Variants in CREB1 observed in about 807,000 individuals in gnomAD.
CREB1 encodes the protein cAMP responsive element binding protein 1.
A neutral mutation model predicts 42.0 loss-of-function variants in CREB1; 2 were observed. The ratio of observed to expected loss-of-function variants is 0.05; its 90% CI spans 0.02 to 0.15. CREB1 has a LOEUF of 0.15. Among genes scored for constraint, CREB1 ranks in the 10% least tolerant of loss-of-function variants. CREB1 has a pLI of 1.00. For synonymous variants in CREB1, 123 were observed against 139.9 expected (o/e 0.88, Z 0.85); for missense variants, 199 against 388.9 (o/e 0.51, Z 4.11).
chr2:207,575,535 C>G (rs760676962), intron 6 of CREB1, 81 bp downstream of exon 6: 3 of 1,215,194 alleles, frequency 2.5e-6, no homozygotes, highest in Non-Finnish European at 3.5e-6. Context: ...AAGTAAGTAT[C>G]ATATTGCAAA....
intron 1 of CREB1, among the ~76,000 whole-genome samples, chr2:207,541,707 C>A (rs2081106158): frequency 6.6e-6 from 1 of 152,194 alleles, no homozygotes; most frequent in African/African-American, 2.4e-5. Flanking sequence ...AATTCACATA[C>A]TCTACAATAC....
chr2:207,569,580 G>T (rs955165646), intron 4 of CREB1, among the ~76,000 whole-genome samples: 4 of 151,850 alleles, frequency 2.6e-5, no homozygotes, highest in South Asian at 4.2e-4. Context: ...AGATGCAAAA[G>T]ATTTTTTTTA....
At chr2:207,561,475 T>G (rs2081954821) in intron 3 of CREB1, among the ~76,000 whole-genome samples, 1 of 152,152 alleles carries the variant, frequency 6.6e-6, no homozygotes, top group African/African-American at 2.4e-5. Context: ...TTCTTCTCTG[T>G]GATGATCCAA....
intron 1 of CREB1, among the ~76,000 whole-genome samples, chr2:207,547,223 G>A (rs913863156): frequency 6.6e-6 from 1 of 152,176 alleles, no homozygotes; most frequent in Admixed American, 6.5e-5. Flanking sequence ...AATAACAGAT[G>A]TTACTTCATA....
Position 207,541,404 on chromosome 2 carries a change from T to C in CREB1, c.-9+11270T>C, listed in dbSNP as rs2081094831. Among the ~76,000 whole-genome samples, 3 of 152,214 alleles carry C rather than the reference T, an allele frequency of 2.0e-5. No homozygotes were observed. The South Asian group carries it at 6.2e-4, about 31-fold the overall frequency. Reference sequence around the variant, plus strand: ...TTTTATCTTTTATATTTTATATCTTTTATTTTTACTGTACCTTTTCTATGT... The same window carrying C: ...TTTTATCTTTTATATTTTATATCTTCTATTTTTACTGTACCTTTTCTATGT... On this transcript the variant is annotated intron_variant, in intron 1 of 7. Transcript: ENST00000353267.
intron 1 of CREB1, among the ~76,000 whole-genome samples, chr2:207,539,483 A>G (rs991049025): frequency 1.3e-5 from 2 of 152,122 alleles, no homozygotes; most frequent in Non-Finnish European, 2.9e-5. Context: ...TTTATTGACC[A>G]TTGACTTTAT....
chr2:207,587,347 C>T (rs747021344), intron 7 of CREB1, among the ~76,000 whole-genome samples: 11 of 149,800 alleles, frequency 7.3e-5, no homozygotes, highest in Non-Finnish European at 1.5e-4. Context: ...GAGCCGAGAT[C>T]GCACCACCGC....
chr2:207,531,630 A>C (rs1574734870), intron 1 of CREB1, among the ~76,000 whole-genome samples: 1 of 152,212 alleles, frequency 6.6e-6, no homozygotes, highest in African/African-American at 2.4e-5. Context: ...GAAATCTTTT[A>C]CATTTATGGC....
intron 7 of CREB1, among the ~76,000 whole-genome samples, chr2:207,580,253 C>G (rs892722857): frequency 1.3e-5 from 2 of 152,142 alleles, no homozygotes; most frequent in Non-Finnish European, 2.9e-5. Context: ...TGTAAACATG[C>G]TACTTCACTG....
chr2:207,578,750 T>C (rs996685083), intron 7 of CREB1, among the ~76,000 whole-genome samples: 2 of 151,982 alleles, frequency 1.3e-5, no homozygotes, highest in African/African-American at 2.4e-5. Context: ...GGCAGAGATT[T>C]TTCTGGGATA....
chr2:207,545,556 T>C (rs1206264345), intron 1 of CREB1, among the ~76,000 whole-genome samples: 1 of 152,060 alleles, frequency 6.6e-6, no homozygotes, highest in African/African-American at 2.4e-5. Context: ...TCCCATAGTA[T>C]GGGACTACTA....
intron 1 of CREB1, among the ~76,000 whole-genome samples, chr2:207,540,236 C>T (rs1017949946): frequency 1.3e-5 from 2 of 152,158 alleles, no homozygotes; most frequent in African/African-American, 2.4e-5. Context: ...CATGTGATTG[C>T]CCCTTGAAGA....
intron 6 of CREB1, chr2:207,576,677 A>G (rs2082611380): frequency 7.8e-7 from 1 of 1,289,012 alleles, no homozygotes; most frequent in Non-Finnish European, 1.0e-6. Context: ...TGAATTCTGA[A>G]CGTCAGTTTG....
intron 7 of CREB1, among the ~76,000 whole-genome samples, chr2:207,588,929 A>G (rs2084439982): frequency 6.6e-6 from 1 of 151,980 alleles, no homozygotes; most frequent in Non-Finnish European, 1.5e-5. Context: ...TACACAAATT[A>G]TCATGTCACC....
At chr2:207,577,415 C>A in intron 6 of CREB1, 90 bp from the exon 7 acceptor site, 1 of 1,493,542 alleles carries the variant, frequency 6.7e-7, no homozygotes, top group Non-Finnish European at 9.0e-7. Flanking sequence ...CCTTTTAGTC[C>A]AAAATACATG....
Position 207,543,598 on chromosome 2 carries a change from T to TTTTA in CREB1, c.-8-12006_-8-12003dup, listed in dbSNP as rs748170591. ...TTTCTGTTTTATTAATGGTTATTAA[T>TTTTA]TTTATTTATTTATTTATTTATTTAT... On this transcript the variant is annotated intron_variant, in intron 1 of 7. Coordinates refer to ENST00000353267, the MANE Select transcript of CREB1 (RefSeq NM_004379.5). Among the ~76,000 whole-genome samples the TTTTA allele has an allele frequency of 3.4e-3, 514 of 151,976 alleles. 2 individuals are homozygous for TTTTA. Among genetic ancestry groups the TTTTA allele is most frequent in the African/African-American group, 6.4e-3 (266 of 41,482 alleles).
At chr2:207,583,098 A>T (rs777616678) in intron 7 of CREB1, among the ~76,000 whole-genome samples, 1 of 152,152 alleles carries the variant, frequency 6.6e-6, no homozygotes, top group Non-Finnish European at 1.5e-5. Flanking sequence ...AACTATTTAC[A>T]TAGTATTTAC....
intron 3 of CREB1, among the ~76,000 whole-genome samples, chr2:207,564,815 T>TA (rs1454847171): frequency 6.6e-6 from 1 of 152,142 alleles, no homozygotes; most frequent in Non-Finnish European, 1.5e-5. Context: ...TTTCTTGACT[T>TA]ACAAGTGGCC....
chr2:207,579,098 T>C (rs567573011), intron 7 of CREB1, among the ~76,000 whole-genome samples: 1 of 152,258 alleles, frequency 6.6e-6, no homozygotes, highest in East Asian at 1.9e-4. Context: ...CAAGTGACTT[T>C]TATTTGTGCT....
Sources: allele counts gnomAD v4.1 joint callset (sites outside exome capture counted in the v4.1 genomes callset), GRCh38; gene constraint gnomAD v4.1.1; transcripts MANE v1.5; gene names NCBI Gene and HGNC (gene_info 2026-07-23, HGNC 2026-07-21).